ATP6V1B2: variants seen among roughly 807,000 people sequenced by gnomAD.
ATP6V1B2 encodes the protein V-type proton ATPase subunit B, brain isoform.
A neutral mutation model predicts 66.7 loss-of-function variants in ATP6V1B2; 23 were observed. That is an observed-to-expected ratio of 0.34 (90% CI 0.25 to 0.49). The LOEUF is 0.49. Among genes scored for constraint, ATP6V1B2 ranks in the 20% least tolerant of loss-of-function variants. ATP6V1B2 has a pLI of 0.99. For missense variants in ATP6V1B2, 478 were observed against 650.8 expected (o/e 0.73, Z 2.89); for synonymous variants, 278 against 236.7 (o/e 1.17, Z -1.60).
At position 20,211,228 on chromosome 8, in the gene ATP6V1B2, C is replaced by T; in HGVS notation, c.515C>T (p.Thr172Ile). The T allele has an allele frequency of 1.2e-6, 2 of 1,613,306 alleles. No homozygotes were observed. Among genetic ancestry groups the T allele is most frequent in the Non-Finnish European group, 1.7e-6 (2 of 1,179,754 alleles). ...ATCTACCCAGAGGAAATGATTCAGA[C>T]TGGCATTTCGGCCATCGATGGGATG... ...CRIYPEEMIQ[T>I]GISAIDGMNS... Residue 172 changes from threonine to isoleucine, a missense_variant, in exon 6 of 14, where the codon ACT (threonine) becomes ATT (isoleucine). By Grantham distance (89) the Thr-to-Ile change is moderately conservative (BLOSUM62 -1). Around this residue, in one of 2 missense-constraint regions of ATP6V1B2, gnomAD observed 326 missense variants for 545.6 expected, o/e 0.60. Coordinates refer to ENST00000276390, the MANE Select transcript of ATP6V1B2 (RefSeq NM_001693.4).
chr8:20,199,994 T>TTG lies in ATP6V1B2; in HGVS notation c.136+2476_136+2477dup, dbSNP rs34916825. On this transcript the variant is annotated intron_variant, in intron 1 of 13. Coordinates refer to ENST00000276390, the MANE Select transcript of ATP6V1B2 (RefSeq NM_001693.4). ...TTAAGGGGACATGTAATTATAGTTA[T>TTG]TGTGTGTGTGTGTGTGTGTGTGTGT... 8.8e-3 allele frequency among the ~76,000 whole-genome samples: 1,315 copies of TTG among 149,458 alleles called. 9 individuals are homozygous for TTG. Among genetic ancestry groups the TTG allele is most frequent in the Admixed American group, 0.023 (342 of 15,042 alleles).
chr8:20,201,403 A>G (rs145154590), intron 1 of ATP6V1B2, among the ~76,000 whole-genome samples: 16 of 152,318 alleles, frequency 1.1e-4, no homozygotes, highest in African/African-American at 3.6e-4. Context: ...AATGGTGAGG[A>G]AGGCTGGATA....
chr8:20,203,994 G>C, intron 1 of ATP6V1B2: 1 of 455,544 alleles, frequency 2.2e-6, no homozygotes, highest in Non-Finnish European at 4.4e-6. Context: ...TGTGACTTTT[G>C]TCACTTCTGC....
Position 20,197,426 on chromosome 8 carries a change from G to C in ATP6V1B2, c.20G>C (p.Arg7Pro). MALRAMRGIVNGAAPEL... is the reference protein window; with the variant it reads MALRAMPGIVNGAAPEL... ...GACAAGATGGCGCTGCGGGCGATGCGGGGGATTGTCAACGGGGCCGCACCC... is the reference window on the plus strand; with the variant it reads ...GACAAGATGGCGCTGCGGGCGATGCCGGGGATTGTCAACGGGGCCGCACCC... The change falls in exon 1 of 14, where the codon CGG (arginine) becomes CCG (proline). Residue 7 changes from arginine to proline, a missense_variant. Arg to Pro is a moderately radical substitution (Grantham distance 103, BLOSUM62 -2). Around this residue, in one of 2 missense-constraint regions of ATP6V1B2, gnomAD observed 152 missense variants for 105.2 expected, o/e 1.44. Transcript: ENST00000276390. 1.9e-6 allele frequency: 3 copies of C among 1,544,162 alleles called. No homozygotes were observed. The South Asian group carries it at 3.6e-5, about 18-fold the overall frequency.
intron 2 of ATP6V1B2, among the ~76,000 whole-genome samples, chr8:20,208,594 T>C (rs2072761397): frequency 6.6e-6 from 1 of 152,204 alleles, no homozygotes; most frequent in African/African-American, 2.4e-5. Context: ...TGGAGACATG[T>C]CTTTTTAAAG....
intron 2 of ATP6V1B2, among the ~76,000 whole-genome samples, chr8:20,208,086 T>G (rs577439238): frequency 1.3e-5 from 2 of 152,270 alleles, no homozygotes; most frequent in African/African-American, 4.8e-5. Context: ...GGATACTTTT[T>G]TATATAGCTA....
At position 20,216,396 on chromosome 8, in the gene ATP6V1B2, C is replaced by A; in HGVS notation, c.1079-17C>A. On this transcript the variant is annotated splice_polypyrimidine_tract_variant and intron_variant, in intron 10 of 13. Coordinates refer to ENST00000276390, the MANE Select transcript of ATP6V1B2 (RefSeq NM_001693.4). ...CTAAAGATGCCATGCTTAATGCCAA[C>A]TGTCTTCCTCTGGTAGATATCACTC... 1 of 1,602,446 alleles carries A rather than the reference C, an allele frequency of 6.2e-7. No homozygotes were observed. The highest frequency in any genetic ancestry group is 8.5e-7 in the Non-Finnish European group (1 of 1,170,140).
Position 20,218,150 on chromosome 8 carries a change from T to C in ATP6V1B2, c.1267-3T>C, listed in dbSNP as rs1004680376. On this transcript the variant is annotated splice_polypyrimidine_tract_variant and splice_region_variant and intron_variant, in intron 12 of 13. Coordinates refer to ENST00000276390, the MANE Select transcript of ATP6V1B2 (RefSeq NM_001693.4). ...TGCTGATGGGTGCCTTTCTTCTCTT[T>C]AGTATGCGTGCTATGCTATTGGAAA... 1 of 1,612,188 alleles carries C rather than the reference T, an allele frequency of 6.2e-7. No homozygotes were observed. The highest frequency in any genetic ancestry group is 8.5e-7 in the Non-Finnish European group (1 of 1,178,980).
chr8:20,216,614 TAA>T, intron 11 of ATP6V1B2, 119 bp downstream of exon 11: 1 of 848,122 alleles, frequency 1.2e-6, no homozygotes, highest in Admixed American at 2.9e-5. Flanking sequence ...GAATTGTTTT[TAA>T]TATGGTTATA....
Position 20,200,366 on chromosome 8 carries a change from C to T in ATP6V1B2, c.136+2824C>T, listed in dbSNP as rs147797038. ...GAAGTCAGAGATCCTTTTTGTGTCC[C>T]CACTGCCTAGCACAGTGCCTGACAC... On this transcript the variant is annotated intron_variant, in intron 1 of 13. Transcript: ENST00000276390. Among the ~76,000 whole-genome samples, 431 of 152,108 alleles carry T rather than the reference C, an allele frequency of 2.8e-3. 3 individuals carry two copies. Among genetic ancestry groups the T allele is most frequent in the Non-Finnish European group, 3.1e-3 (213 of 67,992 alleles).
intron 2 of ATP6V1B2, among the ~76,000 whole-genome samples, chr8:20,209,007 C>T (rs1329831275): frequency 2.6e-5 from 4 of 152,128 alleles, no homozygotes; most frequent in Non-Finnish European, 5.9e-5. Flanking sequence ...CCGCGCCTAG[C>T]CTATTTAGTA....
At chr8:20,204,440 T>C (rs1472200736) in intron 1 of ATP6V1B2, 44 bp from the exon 2 acceptor site, 2 of 1,549,342 alleles carry the variant, frequency 1.3e-6, no homozygotes, top group Non-Finnish European at 1.8e-6. Flanking sequence ...ATTTAAGCTT[T>C]TGTGCTATTT....
rs201862982 is a variant in ATP6V1B2, at chr8:20,209,411, T to A, written c.193-22T>A. On this transcript the variant is annotated intron_variant, in intron 2 of 13. Transcript: ENST00000276390. ...GGGCTTGTAAAATGTCGGATATTGA[T>A]CCTTTATTTTTTTCTCTTTAGTTTC... 7.9e-5 allele frequency: 127 copies of A among 1,607,786 alleles called. 1 individual carries two copies. The African/African-American group carries it at 1.6e-3, about 21-fold the overall frequency.
intron 2 of ATP6V1B2, among the ~76,000 whole-genome samples, chr8:20,206,925 G>C (rs1253484491): frequency 6.6e-6 from 1 of 152,120 alleles, no homozygotes; most frequent in Admixed American, 6.5e-5. Context: ...GATTAGAAGG[G>C]AAAAGGAACC....
Position 20,212,763 on chromosome 8 carries a change from A to T in ATP6V1B2, c.804-19A>T. 7.4e-6 allele frequency: 12 copies of T among 1,611,460 alleles called. No individual in the cohort carries two copies. Among genetic ancestry groups the T allele is most frequent in the Non-Finnish European group, 1.0e-5 (12 of 1,179,114 alleles). ...GGTCTTTTGGTTTGAGTGGCCTAAG[A>T]CTTAATGTTCCCTTTCAGCATTGAG... On this transcript the variant is annotated intron_variant, in intron 8 of 13. Transcript: ENST00000276390.
At chr8:20,218,348 G>T in intron 13 of ATP6V1B2, 66 bp downstream of exon 13, 1 of 1,569,694 alleles carries the variant, frequency 6.4e-7, no homozygotes, top group Non-Finnish European at 8.6e-7. Context: ...TGCTTTCCAA[G>T]CCTAAGAAAA....
In ATP6V1B2 at chr8:20,197,532, G is replaced by A. The variant is rs1469724244; in HGVS notation, c.126G>A (p.Gln42=). Residue 42 remains glutamine, a synonymous_variant, in exon 1 of 14, where the codon CAG becomes CAA. Coordinates refer to ENST00000276390, the MANE Select transcript of ATP6V1B2 (RefSeq NM_001693.4). ...ALAVSRNYLS[Q]PRLTYKTVSG... ...CAGTCAGTCGGAACTACCTCTCCCA[G>A]CCTCGCCTCAGTGAGTATCAGAGAG... is the stretch of plus-strand genomic sequence containing the variant. 2 of 1,426,698 alleles carry A rather than the reference G, an allele frequency of 1.4e-6. No individual in the cohort carries two copies. Among genetic ancestry groups the A allele is most frequent in the Non-Finnish European group, 1.8e-6 (2 of 1,082,554 alleles). The allele number at this position is 1,426,698 out of a possible 1,614,324, so 88.4% of individuals were successfully genotyped here.
chr8:20,208,421 C>G (rs1585249097), intron 2 of ATP6V1B2, among the ~76,000 whole-genome samples: 2 of 152,292 alleles, frequency 1.3e-5, no homozygotes, highest in East Asian at 3.9e-4. Flanking sequence ...TGGCAGGTTT[C>G]TCTTTTCACA....
In ATP6V1B2 at chr8:20,204,005, G is replaced by A. The variant is rs544654981; in HGVS notation, c.137-479G>A. On this transcript the variant is annotated intron_variant, in intron 1 of 13. Transcript: ENST00000276390. ...CCTTTGTGACTTTTGTCACTTCTGC[G>A]TAACATTAAGGATTCCCTTTCCTCA... 2.0e-5 allele frequency: 9 copies of A among 455,848 alleles called. No homozygotes were observed. In the East Asian group the frequency reaches 2.1e-4, roughly 11 times the overall value. 28.2% of individuals were successfully genotyped at this position (455,848 alleles called of 1,614,324 possible).
Sources: gnomAD v4.1 joint callset for allele counts (sites outside exome capture counted in the v4.1 genomes callset) on GRCh38, gnomAD v4.1.1 for gene constraint, gnomAD v4.1.1 regional missense constraint, MANE v1.5 for transcripts, NCBI Gene and HGNC (gene_info 2026-07-23, HGNC 2026-07-21) for gene names.